SAMD3: variants seen among roughly 807,000 people sequenced by gnomAD.
The protein encoded by SAMD3 is sterile alpha motif domain containing 3, also known as sterile alpha motif domain-containing protein 3.
Under a neutral mutation model 58.5 loss-of-function variants are expected in SAMD3, and 63 were observed. The observed-to-expected ratio is 1.08, with a 90% CI of 0.88 to 1.33. The LOEUF is 1.33. Among genes scored for constraint, SAMD3 ranks in the 40% most tolerant of loss-of-function variants. The pLI, the probability that SAMD3 is intolerant of heterozygous loss-of-function variation, is 0.00. For synonymous variants in SAMD3, 220 were observed against 210.3 expected (o/e 1.05, Z -0.40); for missense variants, 604 against 608.4 (o/e 0.99, Z 0.08).
At chr6:130,268,185 T>C (rs1774430576) in intron 2 of SAMD3, among the ~76,000 whole-genome samples, 2 of 152,008 alleles carry the variant, frequency 1.3e-5, no homozygotes, top group Admixed American at 6.6e-5. Flanking sequence ...TCTTAGTTTT[T>C]AACAAAAAGT....
At chr6:130,332,334 T>C (rs992054164) in intron 1 of SAMD3, among the ~76,000 whole-genome samples, 4 of 152,138 alleles carry the variant, frequency 2.6e-5, no homozygotes, top group Admixed American at 6.5e-5. Context: ...GTTTGAGAGG[T>C]AAATTACATA....
intron 1 of SAMD3, among the ~76,000 whole-genome samples, chr6:130,317,257 G>C (rs1206933080): frequency 6.6e-6 from 1 of 152,184 alleles, no homozygotes; most frequent in Non-Finnish European, 1.5e-5. Context: ...TGATGGGAAG[G>C]CTGACATTCC....
intron 2 of SAMD3, among the ~76,000 whole-genome samples, chr6:130,289,963 C>T (rs1306698497): frequency 7.2e-6 from 1 of 138,384 alleles, no homozygotes; most frequent in Admixed American, 7.8e-5. Context: ...TTATCACGTA[C>T]TAGAGCTTTG....
intron 8 of SAMD3, chr6:130,162,373 G>A: frequency 4.5e-6 from 3 of 662,216 alleles, no homozygotes; most frequent in Non-Finnish European, 8.1e-6. Flanking sequence ...TAAAAATGTA[G>A]TTATAGCTTT....
chr6:130,181,226 C>T (rs1172127501), intron 7 of SAMD3, among the ~76,000 whole-genome samples: 2 of 152,150 alleles, frequency 1.3e-5, no homozygotes, highest in East Asian at 1.9e-4. Flanking sequence ...GGATTATAGG[C>T]ATGAGCCACC....
intron 1 of SAMD3, among the ~76,000 whole-genome samples, chr6:130,364,458 C>A (rs1778072708): frequency 6.6e-6 from 1 of 152,060 alleles, no homozygotes; most frequent in African/African-American, 2.4e-5. Context: ...CTCTCAGGAG[C>A]TTTACAGACA....
At position 130,144,382 on chromosome 6, in the gene SAMD3, G is replaced by A. The variant is rs1299981900; in HGVS notation, c.*138C>T. The stretch of plus-strand genomic sequence containing the variant: ...TAATATCTAAGTGTAAAGATAGAAA[G>A]CATTGAAATTCATTAGCATCTATAA... On this transcript the variant is annotated 3_prime_UTR_variant, in exon 12 of 12. Coordinates refer to ENST00000439090, the MANE Select transcript of SAMD3 (RefSeq NM_001017373.4). The A allele has an allele frequency of 1.6e-5, 11 of 703,108 alleles. No individual in the cohort carries two copies. Among genetic ancestry groups the A allele is most frequent in the East Asian group, 2.8e-5 (1 of 36,300 alleles). 43.6% of individuals were successfully genotyped at this position (703,108 alleles called of 1,614,324 possible). A position where few individuals can be genotyped will look rare whatever the true frequency, so the allele number is the denominator to read the frequency against.
chr6:130,212,507 G>C (rs1795662688), intron 4 of SAMD3, among the ~76,000 whole-genome samples: 1 of 152,148 alleles, frequency 6.6e-6, no homozygotes, highest in South Asian at 2.1e-4. Flanking sequence ...AGGAGAAAAA[G>C]GACAGATTTG....
chr6:130,163,427 T>C (rs1300489814), intron 8 of SAMD3, among the ~76,000 whole-genome samples: 2 of 152,200 alleles, frequency 1.3e-5, no homozygotes, highest in Non-Finnish European at 2.9e-5. Context: ...TTGGAAATGA[T>C]GTACCCCCTA....
At chr6:130,249,334 A>AT (rs1296636340) in intron 2 of SAMD3, among the ~76,000 whole-genome samples, 3 of 151,730 alleles carry the variant, frequency 2.0e-5, no homozygotes, top group Middle Eastern at 3.4e-3. Context: ...TTTTGTTTTT[A>AT]TTTTTTTTCT....
intron 1 of SAMD3, among the ~76,000 whole-genome samples, chr6:130,341,653 A>T (rs1270602851): frequency 6.6e-6 from 1 of 152,182 alleles, no homozygotes; most frequent in Non-Finnish European, 1.5e-5. Context: ...GTATGTAAGG[A>T]TGTGGATGAC....
intron 5 of SAMD3, among the ~76,000 whole-genome samples, chr6:130,187,331 G>T (rs1264561430): frequency 5.3e-5 from 8 of 151,784 alleles, no homozygotes; most frequent in African/African-American, 1.9e-4. Context: ...CAGTGTCGGG[G>T]CGGAGACTAT....
At chr6:130,317,470 C>A (rs1344914587) in intron 1 of SAMD3, among the ~76,000 whole-genome samples, 1 of 151,960 alleles carries the variant, frequency 6.6e-6, no homozygotes. Flanking sequence ...ATACATATAA[C>A]CAAATAATTA....
intron 2 of SAMD3, among the ~76,000 whole-genome samples, chr6:130,263,925 C>T (rs139169578): frequency 0.012 from 1,886 of 152,290 alleles, 17 homozygotes; most frequent in Non-Finnish European, 0.019. Context: ...CAAGGATGGA[C>T]TGCCCCAACC....
intron 1 of SAMD3, among the ~76,000 whole-genome samples, chr6:130,323,206 A>G (rs963108053): frequency 6.6e-6 from 1 of 152,270 alleles, no homozygotes; most frequent in African/African-American, 2.4e-5. Flanking sequence ...GACAACGGAT[A>G]CCTCTTTCCC....
At chr6:130,331,549 C>T (rs1027435784) in intron 1 of SAMD3, among the ~76,000 whole-genome samples, 5 of 151,978 alleles carry the variant, frequency 3.3e-5, no homozygotes, top group African/African-American at 9.7e-5. Context: ...GGTGAAACCC[C>T]GTCTCTACTA....
At position 130,338,467 on chromosome 6, in the gene SAMD3, C is replaced by T. The variant is rs142342705; in HGVS notation, c.-303-25374G>A. Among the ~76,000 whole-genome samples the T allele has an allele frequency of 2.0e-4, 30 of 152,322 alleles. No homozygotes were observed. In the East Asian group the frequency reaches 4.8e-3, roughly 25 times the overall value. ...TAGTGGAGCTGTGAGAAGAGAGCCA[C>T]CATCCTCCAGACCCCAGAGTGGAAG... On this transcript the variant is annotated intron_variant, in intron 1 of 13. Coordinates refer to the SAMD3 transcript ENST00000368134.
At chr6:130,260,617 G>T (rs1314286053) in intron 2 of SAMD3, among the ~76,000 whole-genome samples, 2 of 152,170 alleles carry the variant, frequency 1.3e-5, no homozygotes, top group African/African-American at 4.8e-5. Flanking sequence ...TACATTTCTT[G>T]GTTCCCTGAC....
chr6:130,197,229 C>T (rs1334426612), intron 5 of SAMD3, among the ~76,000 whole-genome samples: 3 of 152,190 alleles, frequency 2.0e-5, no homozygotes, highest in Non-Finnish European at 4.4e-5. Context: ...GACACCAGAC[C>T]AACTTAGACT....
Sources: gnomAD v4.1 joint callset for allele counts (sites outside exome capture counted in the v4.1 genomes callset) on GRCh38, gnomAD v4.1.1 for gene constraint, MANE v1.5 for transcripts, NCBI Gene and HGNC (gene_info 2026-07-23, HGNC 2026-07-21) for gene names.